Variants in ALDH18A1 observed in about 807,000 individuals in gnomAD.
ALDH18A1 encodes aldehyde dehydrogenase 18 family member A1.
Under a neutral mutation model 88.8 loss-of-function variants are expected in ALDH18A1, and 44 were observed. The observed-to-expected ratio is 0.50, with a 90% CI of 0.39 to 0.64. The LOEUF (loss-of-function observed/expected upper bound fraction) is 0.64, where lower values mean the gene tolerates loss of function less well. Ranked by LOEUF, ALDH18A1 falls within the 30% of genes least tolerant of loss-of-function variation. ALDH18A1 has a pLI of 0.00. For missense variants in ALDH18A1, 782 were observed against 1,009.5 expected (o/e 0.77, Z 3.05); for synonymous variants, 331 against 372.1 (o/e 0.89, Z 1.27).
chr10:95,610,638 C>A (rs1233844621), intron 16 of ALDH18A1, among the ~76,000 whole-genome samples: 1 of 152,190 alleles, frequency 6.6e-6, no homozygotes, highest in East Asian at 1.9e-4. Flanking sequence ...GTACAAAACT[C>A]TCTGTGTCTG....
chr10:95,613,358 TAA>T (rs1332200015), intron 15 of ALDH18A1, among the ~76,000 whole-genome samples: 2 of 152,232 alleles, frequency 1.3e-5, no homozygotes, highest in Non-Finnish European at 2.9e-5. Context: ...TGAATGTACA[TAA>T]GTTTTTGGTT....
At position 95,627,494 on chromosome 10, in the gene ALDH18A1, G is replaced by A. The variant is rs1464159519; in HGVS notation, c.1026C>T (p.Asp342=). 1 of 1,613,976 alleles carries A rather than the reference G, an allele frequency of 6.2e-7. No individual in the cohort carries two copies. Among genetic ancestry groups the A allele is most frequent in the Non-Finnish European group, 8.5e-7 (1 of 1,180,004 alleles). ...TACCAACTTTCTTCCCCTCCACAAT[G>A]TCTGTGATGACGTGCCCAGACACCT... The part of the protein sequence containing the change: ...HPKVSGHVIT[D]IVEGKKVGTF... The change falls in exon 9 of 18, where the codon GAC becomes GAT. Residue 342 remains aspartate (D), a synonymous_variant. Coordinates refer to ENST00000371224, the MANE Select transcript of ALDH18A1 (RefSeq NM_002860.4).
At chr10:95,618,485 T>C (rs1285274328) in intron 12 of ALDH18A1, among the ~76,000 whole-genome samples, 1 of 152,106 alleles carries the variant, frequency 6.6e-6, no homozygotes, top group African/African-American at 2.4e-5. Flanking sequence ...CCAACTAATT[T>C]TGTATTTTTT....
chr10:95,631,844 C>T (rs1015791781), intron 7 of ALDH18A1, among the ~76,000 whole-genome samples: 1 of 151,622 alleles, frequency 6.6e-6, no homozygotes, highest in Non-Finnish European at 1.5e-5. Flanking sequence ...GTACAAGGGG[C>T]CTTACTTTGG....
At chr10:95,611,928 C>G (rs2097835596) in intron 15 of ALDH18A1, among the ~76,000 whole-genome samples, 1 of 151,824 alleles carries the variant, frequency 6.6e-6, no homozygotes, top group African/African-American at 2.4e-5. Flanking sequence ...CAAGATTGTG[C>G]CACTGCACTC....
At chr10:95,636,330 G>A (rs1197855311) in intron 5 of ALDH18A1, among the ~76,000 whole-genome samples, 3 of 152,082 alleles carry the variant, frequency 2.0e-5, no homozygotes, top group South Asian at 2.1e-4. Flanking sequence ...AAAATAATTT[G>A]GGAGTTAGAT....
chr10:95,623,510 C>T (rs896643925), intron 11 of ALDH18A1, among the ~76,000 whole-genome samples: 4 of 151,932 alleles, frequency 2.6e-5, no homozygotes, highest in Admixed American at 1.3e-4. Flanking sequence ...TAGGTTCAAG[C>T]GATTCTCCTG....
intron 2 of ALDH18A1, 143 bp downstream of exon 2, chr10:95,653,147 C>A: frequency 1.3e-6 from 1 of 759,846 alleles, no homozygotes. Context: ...ATGTTTGTGC[C>A]ACTGCACTCC....
intron 11 of ALDH18A1, among the ~76,000 whole-genome samples, chr10:95,624,734 G>T (rs967613739): frequency 1.3e-5 from 2 of 152,150 alleles, no homozygotes; most frequent in African/African-American, 4.8e-5. Flanking sequence ...GGTATTTCTG[G>T]ATGGCACCTG....
intron 7 of ALDH18A1, among the ~76,000 whole-genome samples, chr10:95,632,498 G>C (rs1202208951): frequency 6.6e-6 from 1 of 152,136 alleles, no homozygotes; most frequent in Non-Finnish European, 1.5e-5. Flanking sequence ...CGAGTAGCTG[G>C]AACCGCAGGC....
intron 17 of ALDH18A1, among the ~76,000 whole-genome samples, chr10:95,608,625 C>G (rs1018212336): frequency 1.3e-5 from 2 of 152,306 alleles, no homozygotes; most frequent in East Asian, 1.9e-4. Context: ...CCTCAGCCTC[C>G]TGAGTAACTG....
chr10:95,630,875 C>T (rs2097868023), intron 7 of ALDH18A1, among the ~76,000 whole-genome samples: 1 of 152,192 alleles, frequency 6.6e-6, no homozygotes, highest in African/African-American at 2.4e-5. Flanking sequence ...AAGATATTGA[C>T]ATGTAGGTGT....
At chr10:95,628,296 C>A in intron 8 of ALDH18A1, 72 bp downstream of exon 8, 1 of 1,605,892 alleles carries the variant, frequency 6.2e-7, no homozygotes, top group South Asian at 1.1e-5. Flanking sequence ...CAAATAATTA[C>A]AAAAGTAAAA....
Position 95,606,756 on chromosome 10 carries a change from C to A in ALDH18A1, c.*6G>T, listed in dbSNP as rs1183773723. 5 of 1,614,132 alleles carry A rather than the reference C, an allele frequency of 3.1e-6. No individual in the cohort carries two copies. The highest frequency in any genetic ancestry group is 4.2e-6 in the Non-Finnish European group (5 of 1,180,006). On this transcript the variant is annotated 3_prime_UTR_variant, in exon 18 of 18. Transcript: ENST00000371224. ...TTGGAAAATTCCCGGGTTTTCCTGGCTCTTTTCAGTTGGTGTTTCTCTGAG... is the reference window on the plus strand; with the variant it reads ...TTGGAAAATTCCCGGGTTTTCCTGGATCTTTTCAGTTGGTGTTTCTCTGAG...
At chr10:95,650,365 T>G (rs930851466) in intron 2 of ALDH18A1, among the ~76,000 whole-genome samples, 1 of 152,190 alleles carries the variant, frequency 6.6e-6, no homozygotes, top group African/African-American at 2.4e-5. Flanking sequence ...TGCTATGGTT[T>G]GGATATGGTT....
chr10:95,610,878 C>A (rs770764483), intron 16 of ALDH18A1, among the ~76,000 whole-genome samples: 1 of 152,122 alleles, frequency 6.6e-6, no homozygotes, highest in Non-Finnish European at 1.5e-5. Context: ...CCAGGAGTGT[C>A]CCTGCATACA....
chr10:95,640,078 A>T (rs1196151980), intron 3 of ALDH18A1, among the ~76,000 whole-genome samples: 1 of 152,134 alleles, frequency 6.6e-6, no homozygotes, highest in Admixed American at 6.5e-5. Flanking sequence ...AAATGCTGAC[A>T]CTCTAACTCA....
intron 12 of ALDH18A1, among the ~76,000 whole-genome samples, chr10:95,618,412 C>T (rs980803364): frequency 6.6e-6 from 1 of 152,180 alleles, no homozygotes; most frequent in African/African-American, 2.4e-5. Flanking sequence ...CCTCTGCCTC[C>T]TGGGTTCAAG....
chr10:95,653,020 C>T (rs1185455204), intron 2 of ALDH18A1, among the ~76,000 whole-genome samples: 2 of 151,762 alleles, frequency 1.3e-5, no homozygotes, highest in South Asian at 2.1e-4. Context: ...AATCGCATCT[C>T]GACAAAAAAT....
Sources: allele counts gnomAD v4.1 joint callset (sites outside exome capture counted in the v4.1 genomes callset), GRCh38; gene constraint gnomAD v4.1.1; transcripts MANE v1.5; gene names NCBI Gene and HGNC (gene_info 2026-07-23, HGNC 2026-07-21).